Variants in LTF observed in about 807,000 individuals in gnomAD.
LTF encodes lactotransferrin.
In LTF, 91 loss-of-function variants were observed where a neutral mutation model predicts 87.2. The observed-to-expected ratio is 1.04, with a 90% CI of 0.88 to 1.24. LTF has a LOEUF of 1.24. Among genes scored for constraint, LTF ranks in the 50% most tolerant of loss-of-function variants. The pLI, the probability that LTF is intolerant of heterozygous loss-of-function variation, is 0.00. For missense variants in LTF, 901 were observed against 904.3 expected (o/e 1.00, Z 0.05); for synonymous variants, 378 against 356.1 (o/e 1.06, Z -0.69).
At chr3:46,473,769 C>T (rs1238336277) in intron 1 of LTF, among the ~76,000 whole-genome samples, 3 of 152,146 alleles carry the variant, frequency 2.0e-5, no homozygotes, top group Admixed American at 6.5e-5. Flanking sequence ...ATCCAGAGAA[C>T]GTCCCCATCT....
rs148524124 is a variant in LTF, at chr3:46,452,462, T to C, written c.704-1789A>G. 1.0e-3 allele frequency among the ~76,000 whole-genome samples: 156 copies of C among 152,348 alleles called. No homozygotes were observed. In the Middle Eastern group the frequency reaches 0.014, roughly 13 times the overall value. On this transcript the variant is annotated intron_variant, in intron 6 of 16. Transcript: ENST00000231751. ...TGGAACAATTTAAATTCAGTACAAT[T>C]CGAATCAAAATTAAAGTATGATTTT...
chr3:46,445,584 A>T, intron 11 of LTF, 148 bp from the exon 12 acceptor site: 1 of 610,832 alleles, frequency 1.6e-6, no homozygotes, highest in Non-Finnish European at 2.9e-6. Context: ...CTTTTTAGGT[A>T]GACCGAGAAA....
At chr3:46,456,076 T>C in intron 3 of LTF, 98 bp from the exon 4 acceptor site, 1 of 1,178,630 alleles carries the variant, frequency 8.5e-7, no homozygotes, top group South Asian at 1.6e-5. Context: ...GGGAATGCTG[T>C]GCTGCAGTTT....
chr3:46,474,810 CTCCA>C (rs1703338793), intron 1 of LTF, among the ~76,000 whole-genome samples: 1 of 152,146 alleles, frequency 6.6e-6, no homozygotes, highest in African/African-American at 2.4e-5. Context: ...GCAGAGAAAT[CTCCA>C]AACAGTTAGA....
chr3:46,467,859 C>T (rs2106913675), upstream of LTF, among the ~76,000 whole-genome samples: 1 of 152,220 alleles, frequency 6.6e-6, no homozygotes, highest in Non-Finnish European at 1.5e-5. Flanking sequence ...CAAAATCCTC[C>T]TCCTCTATCC....
chr3:46,484,743 C>T (rs187216543), intron 1 of LTF, among the ~76,000 whole-genome samples: 3 of 152,322 alleles, frequency 2.0e-5, no homozygotes, highest in Admixed American at 2.0e-4. Flanking sequence ...GTCAGACATT[C>T]CCAGCAGGTG....
chr3:46,480,476 G>A (rs1391809176), intron 1 of LTF, among the ~76,000 whole-genome samples: 4 of 152,256 alleles, frequency 2.6e-5, no homozygotes, highest in African/African-American at 7.2e-5. Context: ...TTTCATGCAC[G>A]TTGGTTCCTT....
intron 2 of LTF, among the ~76,000 whole-genome samples, chr3:46,469,968 C>G (rs1703262562): frequency 6.6e-6 from 1 of 152,180 alleles, no homozygotes; most frequent in South Asian, 2.1e-4. Flanking sequence ...CTTCCCTCCC[C>G]TCACCTAACC....
At chr3:46,446,518 C>T (rs1489956425) in intron 10 of LTF, 25 bp from the exon 11 acceptor site, 1 of 1,603,990 alleles carries the variant, frequency 6.2e-7, no homozygotes, top group Non-Finnish European at 8.5e-7. Flanking sequence ...ACAAGCCAGA[C>T]ATCATTATCC....
chr3:46,455,580 G>A, intron 4 of LTF, 138 bp from the exon 5 acceptor site: 2 of 1,191,508 alleles, frequency 1.7e-6, no homozygotes, highest in Non-Finnish European at 2.4e-6. Flanking sequence ...GGGGCTGGGA[G>A]CTCGAGACAT....
chr3:46,467,214 A>ATTCG (rs1407443565), upstream of LTF, among the ~76,000 whole-genome samples: 1 of 150,978 alleles, frequency 6.6e-6, no homozygotes, highest in Middle Eastern at 3.2e-3. Flanking sequence ...TATTAACAGC[A>ATTCG]TTCATTCATT....
intron 1 of LTF, among the ~76,000 whole-genome samples, chr3:46,481,032 C>T (rs929513381): frequency 6.6e-6 from 1 of 152,182 alleles, no homozygotes; most frequent in Admixed American, 6.5e-5. Context: ...AGCCACACTC[C>T]TTGCCCACAG....
rs1314562167 is a variant in LTF at position 46,435,822 on chromosome 3, C to G, written c.*373G>C. On this transcript the variant is annotated 3_prime_UTR_variant, in exon 17 of 17. Coordinates refer to ENST00000231751, the MANE Select transcript of LTF (RefSeq NM_002343.6). ...AGCTATGTGAATAACCAACAAGATC[C>G]CCTTAGGAAAACCGGTGCTTGGCCT... 1 of 286,012 alleles carries G rather than the reference C, an allele frequency of 3.5e-6. No homozygotes were observed. The allele number at this position is 286,012 out of a possible 1,614,324, so 17.7% of individuals were successfully genotyped here. A position where few individuals can be genotyped will look rare whatever the true frequency, so the allele number is the denominator to read the frequency against.
intron 14 of LTF, 69 bp from the exon 15 acceptor site, chr3:46,439,549 G>A (rs971391811): frequency 3.5e-6 from 5 of 1,410,012 alleles, no homozygotes; most frequent in African/African-American, 2.8e-5. Context: ...TTCTGGGTGG[G>A]TGTGGCCATT....
intron 9 of LTF, among the ~76,000 whole-genome samples, chr3:46,448,056 T>A (rs752553051): frequency 6.6e-6 from 1 of 152,142 alleles, no homozygotes; most frequent in Non-Finnish European, 1.5e-5. Context: ...AAAGATATCC[T>A]GGAAGCATGT....
chr3:46,480,377 A>C (rs1703417129), intron 1 of LTF, among the ~76,000 whole-genome samples: 1 of 151,776 alleles, frequency 6.6e-6, no homozygotes, highest in Non-Finnish European at 1.5e-5. Context: ...TTGAAACCCC[A>C]CTCTGATGTT....
chr3:46,482,695 GGAAGGAAGGAAA>G (rs1335455753), intron 1 of LTF, among the ~76,000 whole-genome samples: 27 of 114,574 alleles, frequency 2.4e-4, no homozygotes, highest in African/African-American at 7.0e-4. Flanking sequence ...AAGGAAGGAA[GGAAGGAAGGAAA>G]GAAAGAAAGA....
intron 10 of LTF, 147 bp downstream of exon 10, chr3:46,447,161 C>T: frequency 1.5e-6 from 1 of 646,334 alleles, no homozygotes; most frequent in Non-Finnish European, 2.7e-6. Flanking sequence ...GGTAACACGG[C>T]CCCTTTCATT....
At chr3:46,479,852 G>T (rs1054098482) in intron 1 of LTF, among the ~76,000 whole-genome samples, 30 of 152,212 alleles carry the variant, frequency 2.0e-4, no homozygotes, top group African/African-American at 7.2e-4. Context: ...TTAGGATGTG[G>T]CAGTGGAGAA....
Sources: allele counts gnomAD v4.1 joint callset (sites outside exome capture counted in the v4.1 genomes callset), GRCh38; gene constraint gnomAD v4.1.1; transcripts MANE v1.5; gene names NCBI Gene and HGNC (gene_info 2026-07-23, HGNC 2026-07-21).